Variants in MBOAT2 observed in about 807,000 individuals in gnomAD.
MBOAT2 encodes membrane bound glycerophospholipid O-acyltransferase 2.
In MBOAT2, 28 loss-of-function variants were observed where a neutral mutation model predicts 63.4. The observed-to-expected ratio is 0.44, with a 90% CI of 0.33 to 0.61. The LOEUF (loss-of-function observed/expected upper bound fraction) is 0.61. MBOAT2 is among the 20% of genes least tolerant of loss of function. The pLI is 0.03. For synonymous variants in MBOAT2, 211 were observed against 215.6 expected (o/e 0.98, Z 0.19); for missense variants, 470 against 605.8 (o/e 0.78, Z 2.35).
intron 6 of MBOAT2, among the ~76,000 whole-genome samples, 177 bp downstream of exon 6, chr2:8,882,334 G>C (rs1201044530): frequency 6.6e-6 from 1 of 152,218 alleles, no homozygotes; most frequent in Non-Finnish European, 1.5e-5. Context: ...AGCCCTAGAA[G>C]GGATGCCCAG....
At position 9,002,993 on chromosome 2, in the gene MBOAT2, C is replaced by T. The variant is rs1368937422; in HGVS notation, c.75+547G>A. Among the ~76,000 whole-genome samples the T allele has an allele frequency of 2.6e-5, 4 of 152,316 alleles. No homozygotes were observed. In the East Asian group the frequency reaches 7.7e-4, roughly 29 times the overall value. Reference sequence around the variant, plus strand: ...TCCAACGCAAACTGTCCCCAAAGTGCAGTAGCGCTTAAGCCTCTCCGGGCC... The same window carrying T: ...TCCAACGCAAACTGTCCCCAAAGTGTAGTAGCGCTTAAGCCTCTCCGGGCC... On this transcript the variant is annotated intron_variant, in intron 1 of 12. Transcript: ENST00000305997.
intron 3 of MBOAT2, among the ~76,000 whole-genome samples, chr2:8,912,359 A>AAG (rs1340425166): frequency 0.014 from 1,419 of 103,582 alleles, 4 homozygotes; most frequent in Admixed American, 0.023. Context: ...AAGAGAAAGA[A>AAG]AGAAAGAAAG....
intron 2 of MBOAT2, among the ~76,000 whole-genome samples, chr2:8,957,915 AGGC>A: frequency 6.6e-6 from 1 of 152,204 alleles, no homozygotes; most frequent in Non-Finnish European, 1.5e-5. Context: ...TCTGTATTTA[AGGC>A]TCTCGGAGTA....
At chr2:8,901,896 G>C (rs1402986044) in intron 4 of MBOAT2, among the ~76,000 whole-genome samples, 1 of 152,242 alleles carries the variant, frequency 6.6e-6, no homozygotes, top group Non-Finnish European at 1.5e-5. Context: ...AGAGGCGAGA[G>C]GAAGTTTGTC....
At chr2:8,978,068 T>TA (rs1056326062) in intron 1 of MBOAT2, among the ~76,000 whole-genome samples, 15 of 152,046 alleles carry the variant, frequency 9.9e-5, no homozygotes, top group African/African-American at 3.6e-4. Context: ...AGGCCACCAA[T>TA]ACCCAGACCC....
intron 1 of MBOAT2, among the ~76,000 whole-genome samples, chr2:8,984,132 G>C (rs190009489): frequency 1.3e-5 from 2 of 152,246 alleles, no homozygotes; most frequent in Admixed American, 1.3e-4. Context: ...GAAAACATAT[G>C]CTAAGTGAAA....
Position 8,934,989 on chromosome 2 carries a change from G to A in MBOAT2, c.299+8198C>T, listed in dbSNP as rs184588962. Among the ~76,000 whole-genome samples the A allele has an allele frequency of 3.4e-3, 513 of 152,236 alleles. 4 individuals carry two copies. Among genetic ancestry groups the A allele is most frequent in the Non-Finnish European group, 5.2e-3 (352 of 68,018 alleles). On this transcript the variant is annotated intron_variant, in intron 3 of 12. Coordinates refer to ENST00000305997, the MANE Select transcript of MBOAT2 (RefSeq NM_138799.4). ...CACTGTAGGAGTGCTGTGAGTACCG[G>A]CAGATGACAGGTAACATGGACCCCA...
At chr2:8,916,387 C>A (rs1479064611) in intron 3 of MBOAT2, among the ~76,000 whole-genome samples, 1 of 152,182 alleles carries the variant, frequency 6.6e-6, no homozygotes, top group Non-Finnish European at 1.5e-5. Context: ...TAGAACGGAA[C>A]ATTTTCTTAT....
intron 3 of MBOAT2, among the ~76,000 whole-genome samples, chr2:8,932,624 A>G (rs1190602170): frequency 6.6e-6 from 1 of 152,208 alleles, no homozygotes; most frequent in Non-Finnish European, 1.5e-5. Context: ...AGACTTCTAG[A>G]GCTGCCAGTT....
At chr2:8,938,115 A>G (rs996107803) in intron 3 of MBOAT2, among the ~76,000 whole-genome samples, 22 of 152,220 alleles carry the variant, frequency 1.4e-4, no homozygotes, top group African/African-American at 5.3e-4. Context: ...ATTTTTTTAT[A>G]GGCAAGGCAC....
At chr2:8,869,419 T>G (rs1215418960) in intron 8 of MBOAT2, among the ~76,000 whole-genome samples, 1 of 152,096 alleles carries the variant, frequency 6.6e-6, no homozygotes, top group East Asian at 1.9e-4. Flanking sequence ...ATGCTTAAGC[T>G]GCAAAAAAAA....
chr2:8,877,477 G>A (rs533234321), intron 6 of MBOAT2, among the ~76,000 whole-genome samples: 21 of 152,258 alleles, frequency 1.4e-4, no homozygotes, highest in African/African-American at 4.3e-4. Flanking sequence ...AAAGATGGAC[G>A]CACTATCTGC....
rs1055225437 is a variant in MBOAT2, at chr2:9,003,543, G to A, written c.72C>T (p.Asp24=). The A allele has an allele frequency of 9.9e-6, 12 of 1,218,232 alleles. No individual in the cohort carries two copies. Among genetic ancestry groups the A allele is most frequent in the Non-Finnish European group, 1.2e-5 (12 of 974,514 alleles). 75.5% of individuals were successfully genotyped at this position (1,218,232 alleles called of 1,614,324 possible). ...GCGCCAGGGCGCCTCGGGGTACCTG[G>A]TCGATGGGCAGCTGCACGGCGTTGC... ...PLSNAVQLPI[D]QVNFVVCQLF... Residue 24 remains aspartate, a synonymous_variant, in exon 1 of 13, where the codon GAC becomes GAT. Transcript: ENST00000305997. This position sits in a 1 kb window ranked among gnomAD's most constrained non-coding sequence, Gnocchi z 5.4.
intron 6 of MBOAT2, among the ~76,000 whole-genome samples, chr2:8,879,075 CAAAAAA>C (rs58971939): frequency 1.7e-5 from 1 of 58,968 alleles, no homozygotes; most frequent in African/African-American, 6.1e-5. Context: ...GACTCCGTCT[CAAAAAA>C]AAAAAAAAAA....
At chr2:8,956,729 C>A (rs938684884) in intron 2 of MBOAT2, among the ~76,000 whole-genome samples, 15 of 152,128 alleles carry the variant, frequency 9.9e-5, no homozygotes, top group African/African-American at 3.6e-4. Flanking sequence ...TCCTGGTTAT[C>A]ACATATAATT....
Position 8,857,477 on chromosome 2 carries a change from AT to A in MBOAT2, c.*1201del. On this transcript the variant is annotated 3_prime_UTR_variant, in exon 13 of 13. Transcript: ENST00000305997. Reference sequence around the variant, plus strand: ...TTTCCACTTACAGAACCTAAAACTCATTTTAGTAAGAGTTCACAGCAAAATT... The same window carrying A: ...TTTCCACTTACAGAACCTAAAACTCATTTAGTAAGAGTTCACAGCAAAATT... The A allele has an allele frequency of 6.6e-6, 1 of 152,250 alleles. No homozygotes were observed. The highest frequency in any genetic ancestry group is 1.5e-5 in the Non-Finnish European group (1 of 68,038). 9.4% of individuals were successfully genotyped at this position (152,250 alleles called of 1,614,324 possible).
chr2:8,858,841 T>A lies in MBOAT2; in HGVS notation c.1401A>T (p.Lys467Asn). The stretch of plus-strand genomic sequence containing the variant: ...CATGTGTATTCTTTCTTCTTTGAGT[T>A]TTTTTCACTGGCAACAACAATAATA... ...ILVLLLLPVK[K>N]TQRRKNTHEN... is the part of the protein sequence containing the mutation. Residue 467 changes from lysine to asparagine, a missense_variant, in exon 13 of 13, where the codon AAA becomes AAT. Physicochemically the swap from Lys to Asn is moderately conservative, Grantham distance 94. Around this residue, in one of 3 missense-constraint regions of MBOAT2, gnomAD observed 90 missense variants for 84.9 expected, o/e 1.06. Coordinates refer to ENST00000305997, the MANE Select transcript of MBOAT2 (RefSeq NM_138799.4). 1 of 1,613,888 alleles carries A rather than the reference T, an allele frequency of 6.2e-7. No homozygotes were observed. The highest frequency in any genetic ancestry group is 1.1e-5 in the South Asian group (1 of 91,084).
intron 1 of MBOAT2, among the ~76,000 whole-genome samples, chr2:8,995,233 T>C (rs1672199911): frequency 6.6e-6 from 1 of 152,122 alleles, no homozygotes; most frequent in Non-Finnish European, 1.5e-5. Context: ...AATACAATTT[T>C]TAAAGGAGAG....
At chr2:8,990,812 C>T (rs978075581) in intron 1 of MBOAT2, among the ~76,000 whole-genome samples, 1 of 152,148 alleles carries the variant, frequency 6.6e-6, no homozygotes, top group Non-Finnish European at 1.5e-5. Flanking sequence ...TACTATGTGG[C>T]TTTAAAAGTA....
Sources: allele counts gnomAD v4.1 joint callset (sites outside exome capture counted in the v4.1 genomes callset), GRCh38; gene constraint gnomAD v4.1.1; regional missense constraint gnomAD v4.1.1; non-coding constraint Gnocchi (gnomAD v3.1); transcripts MANE v1.5; gene names NCBI Gene and HGNC (gene_info 2026-07-23, HGNC 2026-07-21).